Variants in IL1RAPL1 observed in about 807,000 individuals in gnomAD.
IL1RAPL1 encodes interleukin-1 receptor accessory protein-like 1.
In IL1RAPL1, 3 loss-of-function variants were observed where a neutral mutation model predicts 48.4. The observed-to-expected ratio is 0.06, with a 90% CI of 0.03 to 0.16. The LOEUF is 0.16. IL1RAPL1 is among the 10% of genes least tolerant of loss of function. The pLI is 1.00. For missense variants in IL1RAPL1, 349 were observed against 530.6 expected, an observed-to-expected ratio of 0.66 and a Z score of 3.36; for synonymous variants, 185 against 187.7, an observed-to-expected ratio of 0.99 and a Z score of 0.12.
At chrX:29,175,254 G>A (rs1176613704) in intron 2 of IL1RAPL1, among the ~76,000 whole-genome samples, 1 of 110,970 alleles carries the variant, frequency 9.0e-6, no homozygotes, top group Non-Finnish European at 1.9e-5. Flanking sequence ...ATAGTGACAA[G>A]TCACTACTTA....
chrX:29,721,711 A>G (rs1927642091), intron 6 of IL1RAPL1, among the ~76,000 whole-genome samples: 1 of 111,933 alleles, frequency 8.9e-6, no homozygotes, highest in South Asian at 3.7e-4. Context: ...AATGTTGATT[A>G]TAACAGAAAC....
intron 5 of IL1RAPL1, among the ~76,000 whole-genome samples, chrX:29,619,788 G>A (rs1270271536): frequency 1.8e-5 from 2 of 111,507 alleles, no homozygotes; most frequent in East Asian, 5.6e-4. Context: ...TGTGTGAGCT[G>A]TTTTTTTGTT....
Position 29,920,044 on chromosome X carries a change from T to C in IL1RAPL1, c.1007T>C (p.Val336Ala), listed in dbSNP as rs1296395079. The C allele has an allele frequency of 8.3e-7, 1 of 1,209,579 alleles. No homozygotes were observed. Among genetic ancestry groups the C allele is most frequent in the Non-Finnish European group, 1.1e-6 (1 of 894,744 alleles). ...EGDLGNYSCY[V>A]ENGNGRRHAS... ...GACTTGGGAAATTACTCCTGTTATGTTGAAAATGGAAATGGACGTCGACAC... is the reference window on the plus strand; with the variant it reads ...GACTTGGGAAATTACTCCTGTTATGCTGAAAATGGAAATGGACGTCGACAC... Residue 336 changes from valine to alanine, a missense_variant, in exon 8 of 11, where the codon GTT (valine) becomes GCT (alanine). By Grantham distance (64) the Val-to-Ala change is moderately conservative. Around this residue, in one of 3 missense-constraint regions of IL1RAPL1, gnomAD observed 238 missense variants for 337.8 expected, o/e 0.70. Coordinates refer to ENST00000378993, the MANE Select transcript of IL1RAPL1 (RefSeq NM_014271.4).
intron 9 of IL1RAPL1, among the ~76,000 whole-genome samples, chrX:29,950,177 T>C (rs958295221): frequency 4.1e-4 from 46 of 112,228 alleles, no homozygotes; most frequent in African/African-American, 1.3e-3. Flanking sequence ...TACATCCAGA[T>C]GACATAAGGA....
intron 1 of IL1RAPL1, among the ~76,000 whole-genome samples, chrX:28,690,738 G>A (rs1173505983): frequency 4.5e-5 from 5 of 110,963 alleles, no homozygotes; most frequent in South Asian, 3.8e-4. Context: ...TTTGTTAGTC[G>A]AGACAAACAT....
chrX:28,776,976 A>C (rs1471443961), intron 1 of IL1RAPL1, among the ~76,000 whole-genome samples: 1 of 112,320 alleles, frequency 8.9e-6, no homozygotes, highest in South Asian at 3.6e-4. Flanking sequence ...CTGGCTTTTC[A>C]AATATTTTAC....
At position 29,934,476 on chromosome X, in the gene IL1RAPL1, A is replaced by C. The variant is rs1330254631; in HGVS notation, c.1058-7175A>C. Among the ~76,000 whole-genome samples the C allele has an allele frequency of 2.7e-5, 3 of 112,370 alleles. No individual in the cohort carries two copies. The East Asian group carries it at 8.4e-4, about 31-fold the overall frequency. ...TCAACCTGAAGTACACTCTAATTAC[A>C]ATAACACTTGCAATTATTATCTTAC... On this transcript the variant is annotated intron_variant, in intron 8 of 10. Coordinates refer to ENST00000378993, the MANE Select transcript of IL1RAPL1 (RefSeq NM_014271.4).
intron 2 of IL1RAPL1, among the ~76,000 whole-genome samples, chrX:29,066,127 A>G (rs1342468811): frequency 8.9e-6 from 1 of 112,126 alleles, no homozygotes; most frequent in East Asian, 2.8e-4. Flanking sequence ...AAAAATGGAC[A>G]TTTTAGATAC....
At chrX:28,709,309 T>A (rs1307982365) in intron 1 of IL1RAPL1, among the ~76,000 whole-genome samples, 1 of 112,199 alleles carries the variant, frequency 8.9e-6, no homozygotes, top group Non-Finnish European at 1.9e-5. Context: ...ATTCAGTCAA[T>A]CATCATTACA....
intron 6 of IL1RAPL1, among the ~76,000 whole-genome samples, chrX:29,848,994 T>C (rs1212136883): frequency 9.1e-6 from 1 of 110,237 alleles, no homozygotes; most frequent in Non-Finnish European, 1.9e-5. Flanking sequence ...CTCGAACTCC[T>C]ACCCTTAAGT....
chrX:29,800,096 C>A (rs1461874143), intron 6 of IL1RAPL1, among the ~76,000 whole-genome samples: 1 of 111,527 alleles, frequency 9.0e-6, no homozygotes, highest in East Asian at 2.8e-4. Context: ...CTAAAAGCAC[C>A]AAAGTAATAT....
chrX:28,612,241 C>G (rs1018038617), intron 1 of IL1RAPL1, among the ~76,000 whole-genome samples: 3 of 111,936 alleles, frequency 2.7e-5, no homozygotes, highest in African/African-American at 9.7e-5. Flanking sequence ...TATGTAAGTT[C>G]CATCTACTAT....
chrX:29,494,898 G>C (rs1332283646), intron 5 of IL1RAPL1, among the ~76,000 whole-genome samples: 1 of 111,901 alleles, frequency 8.9e-6, no homozygotes, highest in Non-Finnish European at 1.9e-5. Flanking sequence ...TTTTGCTTGT[G>C]TCTTATTGTT....
At chrX:29,131,063 A>G (rs1381100607) in intron 2 of IL1RAPL1, among the ~76,000 whole-genome samples, 1 of 111,904 alleles carries the variant, frequency 8.9e-6, no homozygotes, top group Non-Finnish European at 1.9e-5. Flanking sequence ...TTTTACATGC[A>G]TATTCAGCTG....
chrX:29,221,672 CAT>C lies in IL1RAPL1; in HGVS notation c.83-61263_83-61262del, dbSNP rs1352536765. Among the ~76,000 whole-genome samples the C allele has an allele frequency of 7.6e-5, 7 of 92,001 alleles. No individual in the cohort carries two copies. In the South Asian group the frequency reaches 1.5e-3, roughly 19 times the overall value. 79.9% of individuals were successfully genotyped at this position (92,001 alleles called of 115,157 possible). On this transcript the variant is annotated intron_variant, in intron 2 of 10. Transcript: ENST00000378993. ...ACACACACACACACACACACACACA[CAT>C]ATGACAGACTTCTCCAGCTCTCTGA...
chrX:29,092,876 T>C (rs1049406052), intron 2 of IL1RAPL1, among the ~76,000 whole-genome samples: 2 of 112,092 alleles, frequency 1.8e-5, no homozygotes, highest in African/African-American at 6.5e-5. Flanking sequence ...TGTGATAGTG[T>C]TGGACACTGA....
intron 1 of IL1RAPL1, among the ~76,000 whole-genome samples, chrX:28,702,525 C>T (rs1352722079): frequency 9.0e-6 from 1 of 111,488 alleles, no homozygotes; most frequent in African/African-American, 3.3e-5. Flanking sequence ...ATCAAGAAAC[C>T]ATTGACCTTT....
At chrX:29,880,520 T>C (rs778679884) in intron 6 of IL1RAPL1, among the ~76,000 whole-genome samples, 1 of 111,828 alleles carries the variant, frequency 8.9e-6, no homozygotes, top group Non-Finnish European at 1.9e-5. Flanking sequence ...TACTGAGAGG[T>C]AAATGAATTA....
rs146910968 is a variant in IL1RAPL1, at chrX:29,463,823, T to C, written c.703+64515T>C. ...TTCTACTTGGTTCTGTCTAGAGACATACTCTGGGGGAAACCAACACCATGT... is the reference window on the plus strand; with the variant it reads ...TTCTACTTGGTTCTGTCTAGAGACACACTCTGGGGGAAACCAACACCATGT... On this transcript the variant is annotated intron_variant, in intron 5 of 10. Transcript: ENST00000378993. Among the ~76,000 whole-genome samples the C allele has an allele frequency of 6.9e-3, 769 of 111,460 alleles. 27 individuals are homozygous for C. The highest frequency in any genetic ancestry group is 0.064 in the Admixed American group (667 of 10,447).
Sources: gnomAD v4.1 joint callset for allele counts (sites outside exome capture counted in the v4.1 genomes callset) on GRCh38, gnomAD v4.1.1 for gene constraint, gnomAD v4.1.1 regional missense constraint, MANE v1.5 for transcripts, NCBI Gene and HGNC (gene_info 2026-07-23, HGNC 2026-07-21) for gene names.